Variants in MBD5 observed in about 807,000 individuals in gnomAD.
MBD5 encodes the protein methyl-CpG-binding domain protein 5.
MBD5 carries 13 observed loss-of-function variants against 117.3 expected under a neutral mutation model. The observed-to-expected ratio is 0.11, with a 90% CI of 0.07 to 0.18. The LOEUF (loss-of-function observed/expected upper bound fraction) is 0.18, where lower values mean the gene tolerates loss of function less well. Ranked by LOEUF, MBD5 falls within the 10% of genes least tolerant of loss-of-function variation. The probability of loss-of-function intolerance (pLI) is 1.00; values close to 1 mark genes in which losing one functional copy is unlikely to be tolerated. For synonymous variants in MBD5, 727 were observed against 766.4 expected (o/e 0.95, Z 0.85); for missense variants, 1,879 against 2,093.8 (o/e 0.90, Z 2.00).
At chr2:148,196,584 A>G (rs899076129) in intron 2 of MBD5, among the ~76,000 whole-genome samples, 5 of 152,156 alleles carry the variant, frequency 3.3e-5, no homozygotes, top group Admixed American at 3.3e-4. Context: ...TCTATGTAAA[A>G]TTAAAATTTT....
intron 4 of MBD5, among the ~76,000 whole-genome samples, chr2:148,448,677 A>G (rs899091702): frequency 6.6e-6 from 1 of 152,056 alleles, no homozygotes; most frequent in African/African-American, 2.4e-5. Flanking sequence ...ATATTAGTGT[A>G]TATATAAATA....
rs1321202638 is a variant in MBD5 at position 148,516,051 on chromosome 2, G to A, written c.*3110G>A. 1 of 152,110 alleles carries A rather than the reference G, an allele frequency of 6.6e-6. No individual in the cohort carries two copies. The highest frequency in any genetic ancestry group is 1.5e-5 in the Non-Finnish European group (1 of 68,016). The allele number at this position is 152,110 out of a possible 1,614,324, so 9.4% of individuals were successfully genotyped here. A position where few individuals can be genotyped will look rare whatever the true frequency, so the allele number is the denominator to read the frequency against. On this transcript the variant is annotated 3_prime_UTR_variant, in exon 14 of 14. Transcript: ENST00000642680. ...GACCCTGACTTTGAGTTTTTGCTAT[G>A]CCTGTTTTTTAAGTAAACACAGCCT...
chr2:148,082,562 C>A (rs1399793968), intron 1 of MBD5, among the ~76,000 whole-genome samples: 4 of 152,164 alleles, frequency 2.6e-5, no homozygotes, highest in Non-Finnish European at 5.9e-5. Context: ...TTTACTGAGT[C>A]ACTACCATGT....
chr2:148,070,342 G>A (rs546451819), intron 1 of MBD5, among the ~76,000 whole-genome samples: 1 of 152,282 alleles, frequency 6.6e-6, no homozygotes, highest in Non-Finnish European at 1.5e-5. Flanking sequence ...TAGACATTTA[G>A]TGATTTGATA....
chr2:148,504,189 A>G (rs1186419116), intron 12 of MBD5, among the ~76,000 whole-genome samples: 1 of 152,218 alleles, frequency 6.6e-6, no homozygotes, highest in Admixed American at 6.5e-5. Flanking sequence ...CCTCATGATA[A>G]CCATAAACTT....
rs527862779 is a variant in MBD5 at position 148,508,599 on chromosome 2, T to G, written c.5037-1461T>G. 1.6e-4 allele frequency among the ~76,000 whole-genome samples: 25 copies of G among 152,242 alleles called. 1 individual carries two copies. In the South Asian group the frequency reaches 5.2e-3, roughly 32 times the overall value. On this transcript the variant is annotated intron_variant, in intron 12 of 13. Transcript: ENST00000642680. ...GGGGGAATATATTAGGTTTATTTTATCCTATGTACTCCTCTGCATTTTAAA... is the reference window on the plus strand; with the variant it reads ...GGGGGAATATATTAGGTTTATTTTAGCCTATGTACTCCTCTGCATTTTAAA...
intron 8 of MBD5, among the ~76,000 whole-genome samples, chr2:148,478,979 T>G (rs1291166487): frequency 6.6e-6 from 1 of 152,152 alleles, no homozygotes; most frequent in Non-Finnish European, 1.5e-5. Flanking sequence ...TAACAAAACA[T>G]TTTTCCCCAC....
intron 3 of MBD5, among the ~76,000 whole-genome samples, chr2:148,307,852 T>A (rs1701930709): frequency 6.6e-6 from 1 of 151,686 alleles, no homozygotes; most frequent in Non-Finnish European, 1.5e-5. Flanking sequence ...CCATATGTTC[T>A]CATTGTTCAG....
chr2:148,032,560 A>G (rs753002821), intron 1 of MBD5, among the ~76,000 whole-genome samples: 35 of 152,136 alleles, frequency 2.3e-4, no homozygotes, highest in Non-Finnish European at 4.4e-4. Context: ...AATGTGGCAG[A>G]AGTTTAGAGC....
intron 1 of MBD5, among the ~76,000 whole-genome samples, chr2:148,118,680 TCTC>T (rs1030469905): frequency 6.6e-6 from 1 of 152,110 alleles, no homozygotes; most frequent in African/African-American, 2.4e-5. Flanking sequence ...CACTCCCCAT[TCTC>T]CTCTGACCCT....
At chr2:148,512,390 T>A (rs1682246527) in intron 13 of MBD5, 2 of 224,362 alleles carry the variant, frequency 8.9e-6, no homozygotes, top group Admixed American at 5.2e-5. Context: ...GTGTGCATGT[T>A]ATTATAATTT....
Position 148,485,790 on chromosome 2 carries a change from A to T in MBD5, c.3593A>T (p.His1198Leu), listed in dbSNP as rs1237850765. ...NNTLSNHQLT[H>L]LQSLLNNNQM... ...ACTTTGAGTAACCATCAACTGACTC[A>T]TCTACAGTCGCTGTTAAACAACAAT... is the stretch of plus-strand genomic sequence containing the variant. The change falls in exon 10 of 14, where the codon CAT (histidine) becomes CTT (leucine). Residue 1198 changes from histidine to leucine, a missense_variant. Physicochemically the swap from His to Leu is moderately conservative, Grantham distance 99. This residue lies in a region of MBD5 where 1,666 missense variants were observed against 1,792.2 expected (regional missense o/e 0.93). Coordinates refer to ENST00000642680, the MANE Select transcript of MBD5 (RefSeq NM_001378120.1). 1 of 1,614,066 alleles carries T rather than the reference A, an allele frequency of 6.2e-7. No homozygotes were observed. The highest frequency in any genetic ancestry group is 1.1e-5 in the South Asian group (1 of 91,078).
At chr2:148,049,010 ATTAGTGATGTTAGTGT>A in intron 1 of MBD5, among the ~76,000 whole-genome samples, 1 of 152,202 alleles carries the variant, frequency 6.6e-6, no homozygotes. Context: ...ATAGAATTTC[ATTAGTGATGTTAGTGT>A]CTGAGAAGTG....
intron 3 of MBD5, among the ~76,000 whole-genome samples, chr2:148,297,857 A>G (rs1391733582): frequency 6.6e-6 from 1 of 152,018 alleles, no homozygotes; most frequent in Non-Finnish European, 1.5e-5. Context: ...TTGGGCTTGA[A>G]TTCTCCCTCA....
chr2:148,479,837 T>C (rs1308647874), intron 8 of MBD5, among the ~76,000 whole-genome samples: 1 of 151,978 alleles, frequency 6.6e-6, no homozygotes, highest in Non-Finnish European at 1.5e-5. Context: ...ACATGTTCAG[T>C]TTTATAGTGG....
chr2:148,137,093 T>A (rs1697189481), intron 1 of MBD5, among the ~76,000 whole-genome samples: 1 of 152,140 alleles, frequency 6.6e-6, no homozygotes, highest in South Asian at 2.1e-4. Context: ...TATTTCTACA[T>A]TATTATTAGC....
At chr2:148,248,485 G>T (rs1001712451) in intron 3 of MBD5, among the ~76,000 whole-genome samples, 1 of 151,968 alleles carries the variant, frequency 6.6e-6, no homozygotes, top group Admixed American at 6.6e-5. Flanking sequence ...TTCAATATAG[G>T]ACCCCAAAAA....
intron 4 of MBD5, among the ~76,000 whole-genome samples, chr2:148,415,288 T>C (rs1490762503): frequency 6.6e-6 from 1 of 152,180 alleles, no homozygotes; most frequent in African/African-American, 2.4e-5. Context: ...ATCCTGAATA[T>C]AAGCCCCCAG....
At chr2:148,424,301 T>C (rs1705710356) in intron 4 of MBD5, among the ~76,000 whole-genome samples, 1 of 146,160 alleles carries the variant, frequency 6.8e-6, no homozygotes, top group African/African-American at 2.5e-5. Flanking sequence ...CATTACATAA[T>C]GATAAAGGGA....
Sources: gnomAD v4.1 joint callset for allele counts (sites outside exome capture counted in the v4.1 genomes callset) on GRCh38, gnomAD v4.1.1 for gene constraint, gnomAD v4.1.1 regional missense constraint, MANE v1.5 for transcripts, NCBI Gene and HGNC (gene_info 2026-07-23, HGNC 2026-07-21) for gene names.